The following TRPS1 variants were observed in gnomAD, a reference collection of about 807,000 sequenced individuals.
The protein encoded by TRPS1 is zinc finger transcription factor Trps1.
In TRPS1, 6 loss-of-function variants were observed where a neutral mutation model predicts 101.2. That is an observed-to-expected ratio of 0.06 (90% CI 0.03 to 0.12). TRPS1 has a LOEUF of 0.12. TRPS1 is among the 10% of genes least tolerant of loss of function. The probability of loss-of-function intolerance (pLI) is 1.00; values close to 1 mark genes in which losing one functional copy is unlikely to be tolerated. For synonymous variants in TRPS1, 578 were observed against 589.8 expected, an observed-to-expected ratio of 0.98 and a Z score of 0.29; for missense variants, 1,363 against 1,567.0, an observed-to-expected ratio of 0.87 and a Z score of 2.20.
chr8:115,517,125 T>G (rs1180280102), intron 5 of TRPS1, among the ~76,000 whole-genome samples: 2 of 151,736 alleles, frequency 1.3e-5, no homozygotes, highest in Non-Finnish European at 3.0e-5. Flanking sequence ...ATTTTCTGCT[T>G]TGATATTCCT....
chr8:115,519,281 T>C (rs1815798815), intron 5 of TRPS1, among the ~76,000 whole-genome samples: 1 of 151,854 alleles, frequency 6.6e-6, no homozygotes, highest in African/African-American at 2.4e-5. Context: ...CAGATGAATA[T>C]AACTTCTTAA....
Position 115,488,946 on chromosome 8 carries a change from T to A in TRPS1, c.2701-70494A>T, listed in dbSNP as rs567126126. ...GTTCTCATAAAAAGTATGTAACATT[T>A]TAGCAGGCTGCAGTTACTTCTATTT... On this transcript the variant is annotated intron_variant, in intron 5 of 6. Transcript: ENST00000395715. 3.3e-5 allele frequency among the ~76,000 whole-genome samples: 5 copies of A among 152,336 alleles called. No individual in the cohort carries two copies. In the South Asian group the frequency reaches 1.0e-3, roughly 32 times the overall value.
chr8:115,663,822 A>T (rs1454103589), intron 1 of TRPS1, among the ~76,000 whole-genome samples: 2 of 151,788 alleles, frequency 1.3e-5, no homozygotes, highest in Non-Finnish European at 2.9e-5. Flanking sequence ...TCACCTAACT[A>T]ATGCTTAACA....
Position 115,486,743 on chromosome 8 carries a change from T to C in TRPS1, c.2701-68291A>G, listed in dbSNP as rs544664516. On this transcript the variant is annotated intron_variant, in intron 5 of 6. Transcript: ENST00000395715. ...AAGGCCCTAATTCTCTTCAATTCCA[T>C]GAAGTCTGAGAGAGGTGAGGAAGCT... Among the ~76,000 whole-genome samples, 4 of 152,298 alleles carry C rather than the reference T, an allele frequency of 2.6e-5. No individual in the cohort carries two copies. The South Asian group carries it at 6.2e-4, about 24-fold the overall frequency.
chr8:115,535,931 T>C lies in TRPS1; in HGVS notation c.2700+51070A>G, dbSNP rs187253518. 6.8e-3 allele frequency among the ~76,000 whole-genome samples: 1,042 copies of C among 152,140 alleles called. 10 individuals are homozygous for C. Among genetic ancestry groups the C allele is most frequent in the South Asian group, 0.017 (80 of 4,818 alleles). ...GGCTCAAAAGTCTCACAGTTCATTT[T>C]ATGTGTGATAATTACATTGCCCACT... On this transcript the variant is annotated intron_variant, in intron 5 of 6. Coordinates refer to ENST00000395715, the MANE Select transcript of TRPS1 (RefSeq NM_014112.5).
intron 5 of TRPS1, among the ~76,000 whole-genome samples, chr8:115,565,333 C>T (rs1185762569): frequency 6.6e-6 from 1 of 152,070 alleles, no homozygotes; most frequent in Non-Finnish European, 1.5e-5. Flanking sequence ...AAAACCCCAA[C>T]TGTGTATCCC....
At chr8:115,489,409 C>T (rs1814966667) in intron 5 of TRPS1, among the ~76,000 whole-genome samples, 1 of 152,128 alleles carries the variant, frequency 6.6e-6, no homozygotes, top group Non-Finnish European at 1.5e-5. Flanking sequence ...AAAAAAACCA[C>T]AGAATTTTTC....
At chr8:115,561,155 T>C (rs543173066) in intron 5 of TRPS1, among the ~76,000 whole-genome samples, 1 of 152,298 alleles carries the variant, frequency 6.6e-6, no homozygotes, top group African/African-American at 2.4e-5. Flanking sequence ...GAAGTGTGAA[T>C]ATTACACCAA....
intron 4 of TRPS1, among the ~76,000 whole-genome samples, chr8:115,590,503 AC>A (rs1817656262): frequency 6.6e-6 from 1 of 152,168 alleles, no homozygotes; most frequent in South Asian, 2.1e-4. Flanking sequence ...AGATATCAAG[AC>A]TGTAAATACC....
At chr8:115,487,450 A>G (rs376884141) in intron 5 of TRPS1, among the ~76,000 whole-genome samples, 1 of 152,316 alleles carries the variant, frequency 6.6e-6, no homozygotes, top group Admixed American at 6.5e-5. Context: ...AATACATTTT[A>G]TAAGGCTGAA....
chr8:115,492,921 G>T (rs1815064019), intron 5 of TRPS1, among the ~76,000 whole-genome samples: 7 of 152,020 alleles, frequency 4.6e-5, no homozygotes, highest in Admixed American at 3.9e-4. Context: ...CACCATCTTG[G>T]CCAGGCTGGT....
At chr8:115,505,447 T>C in intron 5 of TRPS1, among the ~76,000 whole-genome samples, 1 of 152,096 alleles carries the variant, frequency 6.6e-6, no homozygotes, top group African/African-American at 2.4e-5. Flanking sequence ...AATTTTTTCA[T>C]GTTTGAGACA....
chr8:115,477,900 T>C lies in TRPS1; in HGVS notation c.2701-59448A>G, dbSNP rs535563348. Among the ~76,000 whole-genome samples the C allele has an allele frequency of 2.0e-5, 3 of 152,276 alleles. No homozygotes were observed. In the East Asian group the frequency reaches 5.8e-4, roughly 29 times the overall value. On this transcript the variant is annotated intron_variant, in intron 5 of 6. Transcript: ENST00000395715. The stretch of plus-strand genomic sequence containing the variant: ...CATGCTTTTCCATGCCATGGTATAT[T>C]ATAGTGTGTTCAGCAAATCCCATGC...
intron 5 of TRPS1, among the ~76,000 whole-genome samples, chr8:115,535,317 A>ATATATATAGCATATATAGCG (rs1816279214): frequency 7.0e-6 from 1 of 143,168 alleles, no homozygotes; most frequent in African/African-American, 2.6e-5. Flanking sequence ...CATATATAGC[A>ATATATATAGCATATATAGCG]TATATAGAGC....
intron 4 of TRPS1, among the ~76,000 whole-genome samples, chr8:115,589,206 G>A (rs1482394055): frequency 6.6e-6 from 1 of 152,164 alleles, no homozygotes; most frequent in East Asian, 1.9e-4. Flanking sequence ...AAGCTTGAAG[G>A]GTTATCTAGA....
At chr8:115,493,061 A>C (rs1039544655) in intron 5 of TRPS1, among the ~76,000 whole-genome samples, 6 of 151,984 alleles carry the variant, frequency 3.9e-5, no homozygotes, top group African/African-American at 2.4e-5. Flanking sequence ...ATACTTTTTT[A>C]AAAGACTGGT....
intron 6 of TRPS1, among the ~76,000 whole-genome samples, chr8:115,415,869 G>C (rs1812907104): frequency 6.6e-6 from 1 of 152,126 alleles, no homozygotes; most frequent in African/African-American, 2.4e-5. Context: ...ACAAATACAT[G>C]CGTGCTTCTA....
intron 5 of TRPS1, among the ~76,000 whole-genome samples, chr8:115,423,383 G>C (rs1478539661): frequency 2.6e-5 from 4 of 152,176 alleles, no homozygotes; most frequent in Non-Finnish European, 4.4e-5. Flanking sequence ...ATGCTTTTCA[G>C]TGATAACTGG....
At position 115,414,392 on chromosome 8, in the gene TRPS1, G is replaced by T; in HGVS notation, c.3516C>A (p.Asp1172Glu). 1 of 1,613,958 alleles carries T rather than the reference G, an allele frequency of 6.2e-7. No individual in the cohort carries two copies. Residue 1172 changes from aspartate (D) to glutamate (E), a missense_variant, in exon 7 of 7, where the codon GAC becomes GAA. Physicochemically the swap from Asp to Glu is conservative, Grantham distance 45. Coordinates refer to ENST00000395715, the MANE Select transcript of TRPS1 (RefSeq NM_014112.5). This position sits in a 1 kb window ranked among gnomAD's most constrained non-coding sequence, Gnocchi z 4.8. ...LPPHFSAVGS[D>E]NDIPLDLAIK... ...TCGCCAAATCTAGAGGAATGTCATT[G>T]TCTGATCCAACAGCTGAAAAATGAG...
Sources: gnomAD v4.1 joint callset for allele counts (sites outside exome capture counted in the v4.1 genomes callset) on GRCh38, gnomAD v4.1.1 for gene constraint, Gnocchi (gnomAD v3.1) non-coding constraint, MANE v1.5 for transcripts, NCBI Gene and HGNC (gene_info 2026-07-23, HGNC 2026-07-21) for gene names.